NR2F2: variants seen among roughly 807,000 people sequenced by gnomAD.
NR2F2 encodes nuclear receptor subfamily 2 group F member 2, also known as COUP transcription factor 2.
NR2F2 carries 2 observed loss-of-function variants against 34.8 expected under a neutral mutation model. That is an observed-to-expected ratio of 0.06 (90% CI 0.02 to 0.18). The LOEUF is 0.18. Among genes scored for constraint, NR2F2 ranks in the 10% least tolerant of loss-of-function variants. The pLI is 1.00. For missense variants in NR2F2, 300 were observed against 580.1 expected (o/e 0.52, Z 4.96); for synonymous variants, 274 against 251.8 (o/e 1.09, Z -0.84).
At position 96,331,088 on chromosome 15, in the gene NR2F2, A is replaced by AGCGGCAGCAGCGACTTCAGCG; in HGVS notation, c.-1012_-992dup. On this transcript the variant is annotated 5_prime_UTR_variant, in exon 1 of 3. Transcript: ENST00000394166. ...CAGCAGCGGCTCCGGCGGCGGCAGC[A>AGCGGCAGCAGCGACTTCAGCG]GCGGCAGCAGCGACTTCAGCGGCGG... is the stretch of plus-strand genomic sequence containing the variant. The AGCGGCAGCAGCGACTTCAGCG allele has an allele frequency of 1.6e-6, 2 of 1,222,998 alleles. No individual in the cohort carries two copies. The highest frequency in any genetic ancestry group is 1.0e-6 in the Non-Finnish European group (1 of 983,512). The allele number at this position is 1,222,998 out of a possible 1,614,324, so 75.8% of individuals were successfully genotyped here.
At chr15:96,330,400 TCGGCGGCGG>T (rs560453342), upstream of NR2F2, among the ~76,000 whole-genome samples, 1,782 of 143,448 alleles carry the variant, frequency 0.012, 15 homozygotes, top group South Asian at 0.022. Flanking sequence ...CATCCCCCTC[TCGGCGGCGG>T]CGGCGGCGGC....
At position 96,332,259 on chromosome 15, in the gene NR2F2, C is replaced by T; in HGVS notation, c.154C>T (p.Pro52Ser). The T allele has an allele frequency of 1.3e-6, 2 of 1,545,390 alleles. No individual in the cohort carries two copies. Among genetic ancestry groups the T allele is most frequent in the Non-Finnish European group, 1.7e-6 (2 of 1,146,496 alleles). The change falls in exon 1 of 3, where the codon CCA becomes TCA. Residue 52 changes from proline to serine, a missense_variant. Physicochemically the swap from Pro to Ser is moderately conservative, Grantham distance 74. This residue lies in a region of NR2F2 where 105 missense variants were observed against 107.8 expected (regional missense o/e 0.97). Transcript: ENST00000394166. ...CGGCCAAGGGGGCCCAGCCAGCACG[C>T]CAGCCCAGACGGCGGCCGGTGGCCA... is the stretch of plus-strand genomic sequence containing the variant. ...TPGQGGPAST[P>S]AQTAAGGQGG...
rs1418983087 is a variant in NR2F2 at position 96,337,373 on chromosome 15, C to G, written c.996C>G (p.Ala332=). 1.2e-6 allele frequency: 2 copies of G among 1,613,384 alleles called. No homozygotes were observed. Among genetic ancestry groups the G allele is most frequent in the African/African-American group, 2.7e-5 (2 of 74,686 alleles). The change falls in exon 3 of 3, where the codon GCC becomes GCG. Residue 332 remains alanine (A), a synonymous_variant. Transcript: ENST00000394166. ...ATGCCTGTGGTCTCTCTGATGTAGCCCATGTGGAAAGCTTGCAGGAAAAGT... is the reference window on the plus strand; with the variant it reads ...ATGCCTGTGGTCTCTCTGATGTAGCGCATGTGGAAAGCTTGCAGGAAAAGT... ...TSDACGLSDV[A]HVESLQEKSQ... is the part of the protein sequence containing the mutation.
At position 96,337,651 on chromosome 15, in the gene NR2F2, CAG is replaced by C. The variant is rs1299841870; in HGVS notation, c.*33_*34del. 4 of 1,596,258 alleles carry C rather than the reference CAG, an allele frequency of 2.5e-6. No homozygotes were observed. The highest frequency in any genetic ancestry group is 2.2e-5 in the East Asian group (1 of 44,660). On this transcript the variant is annotated 3_prime_UTR_variant, in exon 3 of 3. Coordinates refer to ENST00000394166, the MANE Select transcript of NR2F2 (RefSeq NM_021005.4). Reference sequence around the variant, plus strand: ...AATAAAATAAGAAGGGGGAGTGAAACAGAGAAAGAAAAGGCAAAAGACTGGTT... The same window carrying C: ...AATAAAATAAGAAGGGGGAGTGAAACAGAAAGAAAAGGCAAAAGACTGGTT...
At chr15:96,327,584 A>G (rs1899026285), upstream of NR2F2, among the ~76,000 whole-genome samples, 1 of 152,228 alleles carries the variant, frequency 6.6e-6, no homozygotes, top group Non-Finnish European at 1.5e-5. Context: ...GGAAGTTCAG[A>G]GGGACACAAT....
rs946701672 is a variant in NR2F2, at chr15:96,338,184, G to T, written c.*562G>T. Reference sequence around the variant, plus strand: ...AACTGAGTCCATGAAAATACCATAGGAAGACATAAAACTTTAAAAGGCAAC... The same window carrying T: ...AACTGAGTCCATGAAAATACCATAGTAAGACATAAAACTTTAAAAGGCAAC... On this transcript the variant is annotated 3_prime_UTR_variant, in exon 3 of 3. Coordinates refer to ENST00000394166, the MANE Select transcript of NR2F2 (RefSeq NM_021005.4). The T allele has an allele frequency of 6.6e-6, 1 of 152,620 alleles. No individual in the cohort carries two copies. The highest frequency in any genetic ancestry group is 1.5e-5 in the Non-Finnish European group (1 of 68,068). The allele number at this position is 152,620 out of a possible 1,614,324, so 9.5% of individuals were successfully genotyped here. A position where few individuals can be genotyped will look rare whatever the true frequency, so the allele number is the denominator to read the frequency against.
Position 96,337,664 on chromosome 15 carries a change from G to C in NR2F2, c.*42G>C, listed in dbSNP as rs201263465. The C allele has an allele frequency of 8.2e-6, 13 of 1,576,782 alleles. No homozygotes were observed. In the East Asian group the frequency reaches 2.0e-4, roughly 25 times the overall value. On this transcript the variant is annotated 3_prime_UTR_variant, in exon 3 of 3. Coordinates refer to ENST00000394166, the MANE Select transcript of NR2F2 (RefSeq NM_021005.4). Reference sequence around the variant, plus strand: ...GGGGGAGTGAAACAGAGAAAGAAAAGGCAAAAGACTGGTTTGTTTGCTTAA... The same window carrying C: ...GGGGGAGTGAAACAGAGAAAGAAAACGCAAAAGACTGGTTTGTTTGCTTAA...
intron 1 of NR2F2, chr15:96,333,496 C>T (rs1255386363): frequency 1.0e-6 from 1 of 1,003,142 alleles, no homozygotes; most frequent in Non-Finnish European, 1.2e-6. Flanking sequence ...CCTCTCCCTC[C>T]GTCTCTTTCT....
At chr15:96,333,352 G>T (rs1030157691) in intron 1 of NR2F2, 1 of 1,001,878 alleles carries the variant, frequency 1.0e-6, no homozygotes, top group African/African-American at 1.7e-5. Context: ...TCCGGAGTCA[G>T]ATAACAGCCT....
chr15:96,340,125 AGT>A lies in NR2F2; in HGVS notation c.*2509_*2510del, dbSNP rs1198929792. 1 of 152,084 alleles carries A rather than the reference AGT, an allele frequency of 6.6e-6. No homozygotes were observed. 9.4% of individuals were successfully genotyped at this position (152,084 alleles called of 1,614,324 possible). A position where few individuals can be genotyped will look rare whatever the true frequency, so the allele number is the denominator to read the frequency against. On this transcript the variant is annotated 3_prime_UTR_variant, in exon 3 of 3. Transcript: ENST00000394166. ...TCCTCTTGCAAGTGCTATCCATGTG[AGT>A]GTGTGAAGTTTCTCTAATAAGTAAA...
upstream of NR2F2, among the ~76,000 whole-genome samples, chr15:96,328,314 A>G (rs565649144): frequency 7.2e-5 from 11 of 152,276 alleles, no homozygotes; most frequent in East Asian, 2.1e-3. Flanking sequence ...AATTCCAAAA[A>G]TCTCTAAGTG....
At chr15:96,327,764 T>G (rs1396340796), upstream of NR2F2, among the ~76,000 whole-genome samples, 4 of 152,218 alleles carry the variant, frequency 2.6e-5, no homozygotes, top group Admixed American at 1.3e-4. Context: ...ATATTGTGAT[T>G]CAATCTGTAA....
Position 96,332,195 on chromosome 15 carries a change from C to A in NR2F2, c.90C>A (p.Pro30=), listed in dbSNP as rs1010960405. ...AGGCCTCGCAGGCGCCGCCCGTGCC[C>A]GGCCCGCCGCCCGGCGCCCCGCACA... ...GSQASQAPPV[P]GPPPGAPHTP... Residue 30 remains proline, a synonymous_variant, in exon 1 of 3, where the codon CCC becomes CCA. Coordinates refer to ENST00000394166, the MANE Select transcript of NR2F2 (RefSeq NM_021005.4). 1.1e-5 allele frequency: 15 copies of A among 1,334,884 alleles called. No individual in the cohort carries two copies. The African/African-American group carries it at 1.7e-4, about 15-fold the overall frequency. The allele number at this position is 1,334,884 out of a possible 1,614,324, so 82.7% of individuals were successfully genotyped here. A position where few individuals can be genotyped will look rare whatever the true frequency, so the allele number is the denominator to read the frequency against.
intron 1 of NR2F2, chr15:96,333,652 C>G (rs1056366769): frequency 3.8e-5 from 41 of 1,081,562 alleles, no homozygotes; most frequent in Middle Eastern, 4.2e-4. Context: ...GGTGGACCCT[C>G]GTGCCTTTTG....
intron 2 of NR2F2, among the ~76,000 whole-genome samples, chr15:96,335,479 G>A (rs1016783728): frequency 1.3e-5 from 2 of 152,240 alleles, no homozygotes; most frequent in African/African-American, 2.4e-5. Context: ...CCACACCTGA[G>A]CTTTTTGGCT....
Position 96,338,477 on chromosome 15 carries a change from C to A in NR2F2, c.*855C>A, listed in dbSNP as rs965764541. On this transcript the variant is annotated 3_prime_UTR_variant, in exon 3 of 3. Coordinates refer to ENST00000394166, the MANE Select transcript of NR2F2 (RefSeq NM_021005.4). ...TGAACTTTTGTAATTTGAATTGGGTCCCGCTTAGTTCTTGAATTGTTATGA... is the reference window on the plus strand; with the variant it reads ...TGAACTTTTGTAATTTGAATTGGGTACCGCTTAGTTCTTGAATTGTTATGA... The A allele has an allele frequency of 6.6e-6, 1 of 152,582 alleles. No homozygotes were observed. Among genetic ancestry groups the A allele is most frequent in the African/African-American group, 2.4e-5 (1 of 41,448 alleles). The allele number at this position is 152,582 out of a possible 1,614,324, so 9.5% of individuals were successfully genotyped here. A position where few individuals can be genotyped will look rare whatever the true frequency, so the allele number is the denominator to read the frequency against.
At position 96,330,768 on chromosome 15, in the gene NR2F2, A is replaced by C; in HGVS notation, c.-1338A>C. On this transcript the variant is annotated 5_prime_UTR_variant, in exon 1 of 3. Coordinates refer to ENST00000394166, the MANE Select transcript of NR2F2 (RefSeq NM_021005.4). ...CCTCCCGCGCCCCCCTTTTTAGCAT[A>C]TTTGATCACTTTGATTCTCTGTTCT... is the stretch of plus-strand genomic sequence containing the variant. 1.2e-6 allele frequency: 1 copy of C among 866,612 alleles called. No individual in the cohort carries two copies. Among genetic ancestry groups the C allele is most frequent in the Non-Finnish European group, 1.4e-6 (1 of 697,666 alleles). The allele number at this position is 866,612 out of a possible 1,614,324, so 53.7% of individuals were successfully genotyped here. A position where few individuals can be genotyped will look rare whatever the true frequency, so the allele number is the denominator to read the frequency against.
chr15:96,333,869 C>T, intron 1 of NR2F2: 7 of 1,430,030 alleles, frequency 4.9e-6, no homozygotes, highest in Non-Finnish European at 6.4e-6. Context: ...CAAGTGTGCC[C>T]CTCTGGCCCT....
At chr15:96,327,733 C>T (rs1334380100), upstream of NR2F2, among the ~76,000 whole-genome samples, 1 of 152,206 alleles carries the variant, frequency 6.6e-6, no homozygotes, top group African/African-American at 2.4e-5. Flanking sequence ...TTAAACTCGG[C>T]ATTTGCTGGG....
Sources: gnomAD v4.1 joint callset for allele counts (sites outside exome capture counted in the v4.1 genomes callset) on GRCh38, gnomAD v4.1.1 for gene constraint, gnomAD v4.1.1 regional missense constraint, MANE v1.5 for transcripts, NCBI Gene and HGNC (gene_info 2026-07-23, HGNC 2026-07-21) for gene names.